The following SORCS2 variants were observed in gnomAD, a reference collection of about 807,000 sequenced individuals.
The protein encoded by SORCS2 is VPS10 domain-containing receptor SorCS2.
In SORCS2, 100 loss-of-function variants were observed where a neutral mutation model predicts 141.6. That is an observed-to-expected ratio of 0.71 (90% confidence interval 0.60 to 0.83). The LOEUF (loss-of-function observed/expected upper bound fraction) is 0.83, where lower values mean the gene tolerates loss of function less well. Among genes scored for constraint, SORCS2 ranks in the 40% least tolerant of loss-of-function variants. SORCS2 has a pLI of 0.00. For synonymous variants in SORCS2, 789 were observed against 676.9 expected, an observed-to-expected ratio of 1.17 and a Z score of -2.57; for missense variants, 1,646 against 1,560.2, an observed-to-expected ratio of 1.05 and a Z score of -0.93.
At chr4:7,237,078 T>C (rs1410720438) in intron 1 of SORCS2, among the ~76,000 whole-genome samples, 2 of 152,200 alleles carry the variant, frequency 1.3e-5, no homozygotes. Flanking sequence ...CTATTTTTAG[T>C]TCCTGGCAGT....
intron 1 of SORCS2, among the ~76,000 whole-genome samples, chr4:7,214,999 C>T (rs376670336): frequency 2.0e-4 from 30 of 152,126 alleles, no homozygotes; most frequent in African/African-American, 5.5e-4. Flanking sequence ...GCTCTCGGTG[C>T]GTCCTCTGCC....
At chr4:7,346,645 C>A (rs567305197) in intron 1 of SORCS2, among the ~76,000 whole-genome samples, 7 of 152,368 alleles carry the variant, frequency 4.6e-5, no homozygotes, top group African/African-American at 1.4e-4. Flanking sequence ...AAGTCTTCAA[C>A]TGCAGATGTA....
At chr4:7,320,622 G>A (rs1301040945) in intron 1 of SORCS2, among the ~76,000 whole-genome samples, 1 of 152,236 alleles carries the variant, frequency 6.6e-6, no homozygotes, top group Non-Finnish European at 1.5e-5. Flanking sequence ...GATGGAGGCT[G>A]TTTCCCAGTG....
intron 2 of SORCS2, among the ~76,000 whole-genome samples, chr4:7,490,811 G>T (rs368632543): frequency 4.1e-4 from 63 of 152,214 alleles, no homozygotes; most frequent in African/African-American, 1.4e-3. Flanking sequence ...CTCCCTCGGG[G>T]TGTCCCCGCT....
intron 7 of SORCS2, among the ~76,000 whole-genome samples, chr4:7,665,129 G>A (rs1722422928): frequency 6.6e-6 from 1 of 152,162 alleles, no homozygotes; most frequent in East Asian, 1.9e-4. Flanking sequence ...CAAATCCAAA[G>A]TTTCCCCCAA....
intron 2 of SORCS2, among the ~76,000 whole-genome samples, chr4:7,474,145 G>A (rs1024438665): frequency 6.6e-6 from 1 of 152,184 alleles, no homozygotes; most frequent in Non-Finnish European, 1.5e-5. Flanking sequence ...CCCAGAGCCT[G>A]GCACCTGCTC....
chr4:7,363,136 C>G (rs1289780694), intron 1 of SORCS2, among the ~76,000 whole-genome samples: 1 of 150,752 alleles, frequency 6.6e-6, no homozygotes, highest in Non-Finnish European at 1.5e-5. Context: ...GTCACCATAA[C>G]CATCACCATC....
intron 2 of SORCS2, among the ~76,000 whole-genome samples, chr4:7,429,897 C>G (rs762169512): frequency 2.2e-4 from 33 of 152,344 alleles, no homozygotes; most frequent in Non-Finnish European, 2.8e-4. Flanking sequence ...TAGTCCCTGT[C>G]TCACGGTGAC....
chr4:7,428,690 C>G (rs1726620139), intron 2 of SORCS2, among the ~76,000 whole-genome samples: 1 of 152,102 alleles, frequency 6.6e-6, no homozygotes, highest in South Asian at 2.1e-4. Flanking sequence ...CAAGGCCAGG[C>G]CGGGGTGGCT....
At chr4:7,273,475 A>G (rs1270214748) in intron 1 of SORCS2, among the ~76,000 whole-genome samples, 2 of 152,124 alleles carry the variant, frequency 1.3e-5, no homozygotes, top group African/African-American at 4.8e-5. Context: ...GACTGTCTCC[A>G]TGGCCAGAAA....
intron 18 of SORCS2, among the ~76,000 whole-genome samples, chr4:7,722,430 C>A (rs1227206594): frequency 3.3e-5 from 5 of 152,196 alleles, no homozygotes; most frequent in Non-Finnish European, 7.3e-5. Flanking sequence ...TTCCTAGGGA[C>A]CCCATAACAA....
At chr4:7,351,478 T>G (rs1407383517) in intron 1 of SORCS2, among the ~76,000 whole-genome samples, 1 of 152,184 alleles carries the variant, frequency 6.6e-6, no homozygotes, top group African/African-American at 2.4e-5. Flanking sequence ...CTTCTCTCCT[T>G]TCTTTCTGTC....
At chr4:7,558,710 T>A (rs1313414847) in intron 3 of SORCS2, among the ~76,000 whole-genome samples, 1 of 152,156 alleles carries the variant, frequency 6.6e-6, no homozygotes, top group African/African-American at 2.4e-5. Flanking sequence ...GGTCTGCAAG[T>A]TCACCTGGTG....
intron 2 of SORCS2, among the ~76,000 whole-genome samples, chr4:7,418,614 A>T (rs867227358): frequency 2.6e-4 from 39 of 151,644 alleles, no homozygotes; most frequent in Admixed American, 1.2e-3. Flanking sequence ...CAGAAATTAG[A>T]GGTGATGGAA....
intron 1 of SORCS2, among the ~76,000 whole-genome samples, chr4:7,367,103 G>T (rs762228933): frequency 6.6e-6 from 1 of 152,150 alleles, no homozygotes; most frequent in African/African-American, 2.4e-5. Flanking sequence ...TCCCCAAAGG[G>T]GAGCCCCGTG....
intron 2 of SORCS2, among the ~76,000 whole-genome samples, chr4:7,520,447 G>A (rs1275509284): frequency 2.0e-5 from 3 of 152,162 alleles, no homozygotes; most frequent in Non-Finnish European, 4.4e-5. Flanking sequence ...AAAGCTGCAG[G>A]CAGGGGCACT....
chr4:7,468,643 G>A (rs1729772435), intron 2 of SORCS2, among the ~76,000 whole-genome samples: 2 of 152,232 alleles, frequency 1.3e-5, no homozygotes, highest in African/African-American at 4.8e-5. Flanking sequence ...GGCCTGGCAT[G>A]GCGCTTCACC....
chr4:7,253,142 G>A (rs761014090), intron 1 of SORCS2, among the ~76,000 whole-genome samples: 16 of 152,380 alleles, frequency 1.1e-4, no homozygotes, highest in Non-Finnish European at 1.8e-4. Context: ...AAGCCTGGCC[G>A]TCCCGGCCTT....
intron 2 of SORCS2, among the ~76,000 whole-genome samples, chr4:7,493,753 C>A (rs1437620244): frequency 6.6e-6 from 1 of 152,194 alleles, no homozygotes; most frequent in Non-Finnish European, 1.5e-5. Context: ...AAAGTGGACA[C>A]AATGCCATAT....
Sources: gnomAD v4.1 joint callset for allele counts (sites outside exome capture counted in the v4.1 genomes callset) on GRCh38, gnomAD v4.1.1 for gene constraint, MANE v1.5 for transcripts, NCBI Gene and HGNC (gene_info 2026-07-23, HGNC 2026-07-21) for gene names.